HTR3D: variants seen among roughly 807,000 people sequenced by gnomAD.
HTR3D encodes the protein 5-hydroxytryptamine receptor 3D.
In HTR3D, 47 loss-of-function variants were observed where a neutral mutation model predicts 45.8. The observed-to-expected ratio is 1.03, with a 90% confidence interval of 0.81 to 1.31. The LOEUF (loss-of-function observed/expected upper bound fraction) is 1.31. Among genes scored for constraint, HTR3D ranks in the 50% most tolerant of loss-of-function variants. HTR3D has a pLI of 0.00. For synonymous variants in HTR3D, 203 were observed against 199.8 expected (o/e 1.02, Z -0.13); for missense variants, 448 against 506.9 (o/e 0.88, Z 1.12).
At chr3:184,033,095 G>C in intron 1 of HTR3D, 2 of 1,432,566 alleles carry the variant, frequency 1.4e-6, no homozygotes, top group Non-Finnish European at 1.9e-6. Flanking sequence ...TGGTCTAGTG[G>C]TGAGCAGTGG....
At position 184,035,226 on chromosome 3, in the gene HTR3D, T is replaced by C. The variant is rs1266182680; in HGVS notation, c.111+4T>C. The C allele has an allele frequency of 6.4e-7, 1 of 1,552,028 alleles. No individual in the cohort carries two copies. The highest frequency in any genetic ancestry group is 1.4e-5 in the African/African-American group (1 of 73,050). On this transcript the variant is annotated splice_donor_region_variant and intron_variant, in intron 2 of 7. Transcript: ENST00000428798. Reference sequence around the variant, plus strand: ...ATCGTTCCTGTGGCTAAATATGGTATGACAGACTCAGTTTCCCCTTTCCTC... The same window carrying C: ...ATCGTTCCTGTGGCTAAATATGGTACGACAGACTCAGTTTCCCCTTTCCTC...
At position 184,038,142 on chromosome 3, in the gene HTR3D, C is replaced by T; in HGVS notation, c.638C>T (p.Ala213Val). 7 of 1,614,126 alleles carry T rather than the reference C, an allele frequency of 4.3e-6. No homozygotes were observed. The highest frequency in any genetic ancestry group is 2.2e-5 in the East Asian group (1 of 44,884). Residue 213 changes from alanine to valine, a missense_variant, in exon 6 of 8, where the codon GCC becomes GTC. By Grantham distance (64) the Ala-to-Val change is moderately conservative (BLOSUM62 0). Transcript: ENST00000428798. This position sits in a 1 kb window ranked among gnomAD's most constrained non-coding sequence, Gnocchi z 4.5. ...FYLPLESGNC[A>V]PFKMTVLLGY... Reference sequence around the variant, plus strand: ...CTGCCACTGGAAAGTGGGAATTGTGCCCCATTCAAGATGACTGTTCTGCTG... The same window carrying T: ...CTGCCACTGGAAAGTGGGAATTGTGTCCCATTCAAGATGACTGTTCTGCTG...
chr3:184,031,558 A>T (rs777996706), upstream of HTR3D: 2 of 561,490 alleles, frequency 3.6e-6, no homozygotes, highest in Non-Finnish European at 6.4e-6. Context: ...ATTCAGGCCC[A>T]GTTAAAGCAC....
At chr3:184,032,796 C>T in intron 1 of HTR3D, 2 of 1,449,344 alleles carry the variant, frequency 1.4e-6, no homozygotes, top group Non-Finnish European at 1.9e-6. Context: ...AGGAGGAGCT[C>T]ACATGCTTCT....
chr3:184,038,058 T>G lies in HTR3D; in HGVS notation c.554T>G (p.Val185Gly). The G allele has an allele frequency of 2.5e-6, 4 of 1,614,182 alleles. No homozygotes were observed. The highest frequency in any genetic ancestry group is 3.4e-6 in the Non-Finnish European group (4 of 1,180,034). Residue 185 changes from valine (V) to glycine (G), a missense_variant, in exon 6 of 8, where the codon GTG (valine) becomes GGG (glycine). By Grantham distance (109) the Val-to-Gly change is moderately radical. Transcript: ENST00000428798. This position sits in a 1 kb window ranked among gnomAD's most constrained non-coding sequence, Gnocchi z 4.5. ...IRRRCRPSPY[V>G]VNFLVPSGIL... The stretch of plus-strand genomic sequence containing the variant: ...CGCAGGTGCAGGCCCAGCCCCTACG[T>G]GGTAAACTTTCTGGTGCCCAGTGGC...
Position 184,038,962 on chromosome 3 carries a change from T to C in HTR3D, c.1202T>C (p.Leu401Pro), listed in dbSNP as rs768170436. The C allele has an allele frequency of 6.2e-7, 1 of 1,614,112 alleles. No individual in the cohort carries two copies. The highest frequency in any genetic ancestry group is 8.5e-7 in the Non-Finnish European group (1 of 1,180,004). ...TCCTCCATCATCACCGTCATATGCC[T>C]CTGGAACACCTAGGCAGGTGCTCAC... ...MASSIITVIC[L>P]WNT Residue 401 changes from leucine (L) to proline (P), a missense_variant, in exon 8 of 8, where the codon CTC (leucine) becomes CCC (proline). Coordinates refer to ENST00000428798, the MANE Select transcript of HTR3D (RefSeq NM_001145143.1). This position sits in a 1 kb window ranked among gnomAD's most constrained non-coding sequence, Gnocchi z 4.5.
upstream of HTR3D, chr3:184,031,665 G>C: frequency 4.2e-6 from 4 of 963,012 alleles, no homozygotes; most frequent in South Asian, 1.4e-5. Context: ...TCAAAGGTAG[G>C]GCTCAAGGTG....
chr3:184,036,791 C>T lies in HTR3D; in HGVS notation c.411C>T (p.His137=). The change falls in exon 5 of 8, where the codon CAC becomes CAT. Residue 137 remains histidine (H), a synonymous_variant. Transcript: ENST00000428798. ...RRMSRSFQIH[H]RTSFRTRREW... ...TGTCCAGGAGCTTTCAAATACATCA[C>T]AGAACCTCATTCAGAACAAGGAGGG... 6.4e-7 allele frequency: 1 copy of T among 1,552,132 alleles called. No homozygotes were observed. Among genetic ancestry groups the T allele is most frequent in the South Asian group, 1.2e-5 (1 of 84,050 alleles).
rs1491382350 is a variant in HTR3D, at chr3:184,039,042, GCT to G, written c.*71_*72del. The G allele has an allele frequency of 2.5e-5, 35 of 1,405,486 alleles. No individual in the cohort carries two copies. Among genetic ancestry groups the G allele is most frequent in the Non-Finnish European group, 3.2e-5 (34 of 1,053,124 alleles). The allele number at this position is 1,405,486 out of a possible 1,614,324, so 87.1% of individuals were successfully genotyped here. A position where few individuals can be genotyped will look rare whatever the true frequency, so the allele number is the denominator to read the frequency against. On this transcript the variant is annotated 3_prime_UTR_variant, in exon 8 of 8. Coordinates refer to ENST00000428798, the MANE Select transcript of HTR3D (RefSeq NM_001145143.1). ...CCAGAGAACTCCAGAAACCAGTCAG[GCT>G]CTCAGTCAGCCTTGTGGCCCTGTCA...
chr3:184,038,369 G>A lies in HTR3D; in HGVS notation c.770-40G>A, dbSNP rs1224091882. ...CTGGGAAAGAAACAAGAAATTCTAG[G>A]TGGCGCCTCTGGCCCTCATGCAGAC... On this transcript the variant is annotated intron_variant, in intron 6 of 7. Coordinates refer to ENST00000428798, the MANE Select transcript of HTR3D (RefSeq NM_001145143.1). The surrounding 1 kb of genome is among the most constrained non-coding windows in gnomAD (Gnocchi z 4.5). The A allele has an allele frequency of 3.7e-6, 6 of 1,613,596 alleles. No individual in the cohort carries two copies. In the East Asian group the frequency reaches 1.1e-4, roughly 30 times the overall value.
intron 5 of HTR3D, 143 bp downstream of exon 5, chr3:184,037,039 T>A: frequency 1.6e-6 from 1 of 610,064 alleles, no homozygotes; most frequent in Non-Finnish European, 2.6e-6. Context: ...TTGTCACTCT[T>A]TTTTTTTTTT....
chr3:184,035,061 T>C (rs1040145428), intron 1 of HTR3D, 117 bp from the exon 2 acceptor site: 3 of 1,522,366 alleles, frequency 2.0e-6, no homozygotes, highest in Non-Finnish European at 2.7e-6. Context: ...TTTCAGTGGC[T>C]TAGATCAAAA....
In HTR3D at chr3:184,038,341, C is replaced by T. The variant is rs749842188; in HGVS notation, c.769+68C>T. 1.9e-6 allele frequency: 3 copies of T among 1,612,304 alleles called. No homozygotes were observed. In the African/African-American group the frequency reaches 4.0e-5, roughly 22 times the overall value. On this transcript the variant is annotated intron_variant, in intron 6 of 7. Coordinates refer to ENST00000428798, the MANE Select transcript of HTR3D (RefSeq NM_001145143.1). This position sits in a 1 kb window ranked among gnomAD's most constrained non-coding sequence, Gnocchi z 4.5. The stretch of plus-strand genomic sequence containing the variant: ...GTGAAAAGGGATCCTGGAAAAAGAT[C>T]CTCTGGGAAAGAAACAAGAAATTCT...
At chr3:184,035,145 A>T in intron 1 of HTR3D, 33 bp from the exon 2 acceptor site, 2 of 1,551,716 alleles carry the variant, frequency 1.3e-6, no homozygotes, top group Non-Finnish European at 1.7e-6. Flanking sequence ...GCCTTCCTGG[A>T]GTTAATCATC....
intron 1 of HTR3D, chr3:184,032,817 C>A: frequency 6.5e-7 from 1 of 1,539,372 alleles, no homozygotes. Context: ...CCCAGTGCCC[C>A]CTGTTTTCTC....
Position 184,036,458 on chromosome 3 carries a change from C to T in HTR3D, c.281C>T (p.Ser94Leu), listed in dbSNP as rs1356534615. 17 of 1,614,120 alleles carry T rather than the reference C, an allele frequency of 1.1e-5. No individual in the cohort carries two copies. Among genetic ancestry groups the T allele is most frequent in the Non-Finnish European group, 1.4e-5 (16 of 1,180,044 alleles). ...AACACAATAAGCCAATGTGGGTGGT[C>T]AGCATCTGCAAACTGGACACCTTCT... ...TSNTISQCGWSASANWTPSIS... is the reference protein window; with the variant it reads ...TSNTISQCGWLASANWTPSIS... Residue 94 changes from serine to leucine, a missense_variant, in exon 4 of 8, where the codon TCA (serine) becomes TTA (leucine). Transcript: ENST00000428798.
Position 184,038,760 on chromosome 3 carries a change from G to T in HTR3D, c.1000G>T (p.Glu334Ter), listed in dbSNP as rs1722990391. 5 of 1,603,386 alleles carry T rather than the reference G, an allele frequency of 3.1e-6. No homozygotes were observed. Among genetic ancestry groups the T allele is most frequent in the Non-Finnish European group, 4.3e-6 (5 of 1,174,240 alleles). The change falls in exon 8 of 8, where the codon GAG (glutamate) becomes TAG (stop). Residue 334 changes from glutamate (E) to a stop codon, truncating the protein, a stop_gained. Transcript: ENST00000428798. LOFTEE classifies it high-confidence loss of function. This position sits in a 1 kb window ranked among gnomAD's most constrained non-coding sequence, Gnocchi z 4.5. ...PTHLPGVKEPEVSAGQMPGPG... is the reference protein window; with the variant it reads ...PTHLPGVKEP The stretch of plus-strand genomic sequence containing the variant: ...TCTTTCTGTAGGTGTGAAGGAGCCA[G>T]AGGTATCAGCAGGGCAGATGCCAGG...
intron 1 of HTR3D, chr3:184,032,867 CT>C: frequency 1.3e-6 from 2 of 1,551,990 alleles, no homozygotes; most frequent in Non-Finnish European, 8.7e-7. Context: ...AGCCCTGGCC[CT>C]CCTCTCTCAG....
chr3:184,038,049 G>A lies in HTR3D; in HGVS notation c.545G>A (p.Ser182Asn), dbSNP rs377198740. ...GCCATCAGGCGCAGGTGCAGGCCCA[G>A]CCCCTACGTGGTAAACTTTCTGGTG... ...HVAIRRRCRP[S>N]PYVVNFLVPS... The change falls in exon 6 of 8, where the codon AGC becomes AAC. Residue 182 changes from serine (S) to asparagine (N), a missense_variant. Coordinates refer to ENST00000428798, the MANE Select transcript of HTR3D (RefSeq NM_001145143.1). The surrounding 1 kb of genome is among the most constrained non-coding windows in gnomAD (Gnocchi z 4.5). 9.9e-6 allele frequency: 16 copies of A among 1,614,076 alleles called. No homozygotes were observed. In the Admixed American group the frequency reaches 1.8e-4, roughly 18 times the overall value.
Sources: gnomAD v4.1 joint callset for allele counts on GRCh38, gnomAD v4.1.1 for gene constraint, Gnocchi (gnomAD v3.1) non-coding constraint, MANE v1.5 for transcripts, NCBI Gene and HGNC (gene_info 2026-07-23, HGNC 2026-07-21) for gene names.